FAM114A2: variants seen among roughly 807,000 people sequenced by gnomAD.
The protein encoded by FAM114A2 is protein FAM114A2.
Under a neutral mutation model 58.4 loss-of-function variants are expected in FAM114A2, and 53 were observed. The ratio of observed to expected loss-of-function variants is 0.91; its 90% CI spans 0.73 to 1.14. The LOEUF is 1.14. FAM114A2 is among the 50% of genes most tolerant of loss of function. The pLI, the probability that FAM114A2 is intolerant of heterozygous loss-of-function variation, is 0.00. For synonymous variants in FAM114A2, 228 were observed against 211.4 expected, an observed-to-expected ratio of 1.08 and a Z score of -0.68; for missense variants, 601 against 581.1, an observed-to-expected ratio of 1.03 and a Z score of -0.35.
intron 8 of FAM114A2, among the ~76,000 whole-genome samples, chr5:154,022,345 G>A (rs1771474104): frequency 6.6e-6 from 1 of 152,148 alleles, no homozygotes; most frequent in South Asian, 2.1e-4. Context: ...AGCGTGAACA[G>A]GCAACCTACA....
intron 9 of FAM114A2, among the ~76,000 whole-genome samples, chr5:154,007,031 A>G (rs2438422): frequency 0.65 from 99,053 of 151,880 alleles, 32,664 homozygotes; most frequent in East Asian, 0.88. Context: ...TCCTGACTTC[A>G]TGATCTACCC....
chr5:154,027,483 A>G, intron 6 of FAM114A2, 149 bp from the exon 7 acceptor site: 1 of 531,020 alleles, frequency 1.9e-6, no homozygotes, highest in Non-Finnish European at 3.1e-6. Flanking sequence ...TGGTGGGCTC[A>G]GGAGCTGCAG....
At chr5:154,024,345 C>A (rs1771639178) in intron 8 of FAM114A2, among the ~76,000 whole-genome samples, 1 of 152,018 alleles carries the variant, frequency 6.6e-6, no homozygotes, top group Non-Finnish European at 1.5e-5. Context: ...TTTATTAATT[C>A]ATTCAAAACA....
intron 9 of FAM114A2, among the ~76,000 whole-genome samples, chr5:154,008,377 AT>A (rs999884531): frequency 1.3e-5 from 2 of 152,112 alleles, no homozygotes; most frequent in African/African-American, 4.8e-5. Flanking sequence ...AAATAAAACA[AT>A]TTTTTGTAGG....
intron 4 of FAM114A2, among the ~76,000 whole-genome samples, chr5:154,031,486 A>T (rs1469520775): frequency 6.6e-6 from 1 of 152,132 alleles, no homozygotes; most frequent in Non-Finnish European, 1.5e-5. Flanking sequence ...CTGAAAATAT[A>T]CATGTTGACT....
chr5:153,995,821 A>T (rs891626533), intron 12 of FAM114A2, among the ~76,000 whole-genome samples: 1 of 152,082 alleles, frequency 6.6e-6, no homozygotes, highest in African/African-American at 2.4e-5. Flanking sequence ...TCCCCAAAAG[A>T]CTTTAGCTTT....
rs1772023413 is a variant in FAM114A2, at chr5:154,029,367, G to C, written c.495+122C>G. ...ATAAGACCAAAGTGACCGATCTTCA[G>C]TGGCTTGGACTCCTTTAAAAGTAAT... On this transcript the variant is annotated intron_variant, in intron 5 of 13. Transcript: ENST00000351797. The C allele has an allele frequency of 1.8e-5, 11 of 605,062 alleles. 1 individual carries two copies. In the South Asian group the frequency reaches 2.1e-4, roughly 11 times the overall value. The allele number at this position is 605,062 out of a possible 1,614,324, so 37.5% of individuals were successfully genotyped here.
At chr5:154,003,975 T>G (rs892471375) in intron 9 of FAM114A2, among the ~76,000 whole-genome samples, 1 of 152,204 alleles carries the variant, frequency 6.6e-6, no homozygotes, top group African/African-American at 2.4e-5. Context: ...TATACCATTG[T>G]GTTGCAACTG....
chr5:154,004,650 C>A (rs776791868), intron 9 of FAM114A2, among the ~76,000 whole-genome samples: 2 of 152,112 alleles, frequency 1.3e-5, no homozygotes, highest in Non-Finnish European at 1.5e-5. Flanking sequence ...AATATAGGGG[C>A]CATCTTAGAT....
At chr5:154,018,513 A>G (rs1771197002) in intron 8 of FAM114A2, among the ~76,000 whole-genome samples, 1 of 152,156 alleles carries the variant, frequency 6.6e-6, no homozygotes, top group Admixed American at 6.6e-5. Flanking sequence ...TCCTATTGAT[A>G]CTATTTCACA....
chr5:153,995,189 G>A (rs1769477932), intron 12 of FAM114A2: 1 of 466,284 alleles, frequency 2.1e-6, no homozygotes, highest in African/African-American at 1.9e-5. Flanking sequence ...TATTGACAGT[G>A]TATTGTTTTA....
At chr5:154,004,711 C>T (rs190716542) in intron 9 of FAM114A2, among the ~76,000 whole-genome samples, 206 of 129,612 alleles carry the variant, frequency 1.6e-3, no homozygotes, top group Admixed American at 3.1e-3. Context: ...ATCCAAGCCC[C>T]TCATCATCCT....
chr5:154,014,658 G>A (rs981049197), intron 8 of FAM114A2, among the ~76,000 whole-genome samples: 6 of 152,142 alleles, frequency 3.9e-5, no homozygotes, highest in Non-Finnish European at 5.9e-5. Flanking sequence ...CTGTGGGCTC[G>A]CTGGGTCCCC....
intron 11 of FAM114A2, among the ~76,000 whole-genome samples, chr5:153,999,268 T>C (rs1356800498): frequency 6.6e-6 from 1 of 152,076 alleles, no homozygotes; most frequent in Non-Finnish European, 1.5e-5. Context: ...GATGTATCAA[T>C]CATCAGGAAA....
intron 1 of FAM114A2, among the ~76,000 whole-genome samples, chr5:154,035,329 C>T (rs573659072): frequency 2.0e-5 from 3 of 152,242 alleles, no homozygotes; most frequent in Non-Finnish European, 4.4e-5. Context: ...CCTTTTTTAG[C>T]CATAACCACT....
intron 9 of FAM114A2, among the ~76,000 whole-genome samples, chr5:154,003,303 C>T (rs1021350843): frequency 9.2e-5 from 14 of 151,954 alleles, no homozygotes; most frequent in Admixed American, 4.6e-4. Context: ...CTTAGCCTCC[C>T]GAGTAGCTGG....
chr5:154,020,455 G>C (rs1006205682), intron 8 of FAM114A2, among the ~76,000 whole-genome samples: 1 of 152,016 alleles, frequency 6.6e-6, no homozygotes. Context: ...AAAAAATGAT[G>C]AAGAGTATAT....
intron 9 of FAM114A2, among the ~76,000 whole-genome samples, chr5:154,006,119 G>A (rs946661529): frequency 1.3e-5 from 2 of 152,124 alleles, no homozygotes; most frequent in African/African-American, 4.8e-5. Flanking sequence ...ATAAAGGCTT[G>A]GAAACAGAAA....
chr5:154,020,681 G>C (rs941579610), intron 8 of FAM114A2, among the ~76,000 whole-genome samples: 1 of 152,042 alleles, frequency 6.6e-6, no homozygotes, highest in Non-Finnish European at 1.5e-5. Flanking sequence ...AAAAGTCCAG[G>C]ATCAGATGGA....
Sources: gnomAD v4.1 joint callset for allele counts (sites outside exome capture counted in the v4.1 genomes callset) on GRCh38, gnomAD v4.1.1 for gene constraint, MANE v1.5 for transcripts, NCBI Gene and HGNC (gene_info 2026-07-23, HGNC 2026-07-21) for gene names.